The following TSPAN5 variants were observed in gnomAD, a reference collection of about 807,000 sequenced individuals.
TSPAN5 encodes the protein tetraspanin-5.
A neutral mutation model predicts 37.1 loss-of-function variants in TSPAN5; 10 were observed. That is an observed-to-expected ratio of 0.27 (90% confidence interval 0.17 to 0.46). The LOEUF (loss-of-function observed/expected upper bound fraction) is 0.46. Among genes scored for constraint, TSPAN5 ranks in the 20% least tolerant of loss-of-function variants. The probability of loss-of-function intolerance (pLI) is 1.00; values close to 1 mark genes in which losing one functional copy is unlikely to be tolerated. For synonymous variants in TSPAN5, 110 were observed against 118.9 expected (o/e 0.93, Z 0.48); for missense variants, 195 against 326.6 (o/e 0.60, Z 3.11).
intron 1 of TSPAN5, among the ~76,000 whole-genome samples, chr4:98,570,240 A>C (rs1755090284): frequency 6.6e-6 from 1 of 152,218 alleles, no homozygotes; most frequent in South Asian, 2.1e-4. Context: ...AACAAATAGC[A>C]AGAGGACTGA....
chr4:98,566,125 G>T (rs1001278938), intron 1 of TSPAN5, among the ~76,000 whole-genome samples: 1 of 152,130 alleles, frequency 6.6e-6, no homozygotes, highest in African/African-American at 2.4e-5. Context: ...CGGTGAAAAC[G>T]TTATTTCCCT....
chr4:98,565,102 A>G (rs1754971521), intron 1 of TSPAN5, among the ~76,000 whole-genome samples: 1 of 152,168 alleles, frequency 6.6e-6, no homozygotes, highest in Non-Finnish European at 1.5e-5. Flanking sequence ...ACTTCTCATG[A>G]ACCTTGGATC....
At chr4:98,634,147 G>A (rs1337875218) in intron 1 of TSPAN5, among the ~76,000 whole-genome samples, 1 of 152,096 alleles carries the variant, frequency 6.6e-6, no homozygotes, top group Non-Finnish European at 1.5e-5. Context: ...CAACTTCTAT[G>A]TTTATATCAT....
At chr4:98,518,404 G>A (rs1202153596) in intron 1 of TSPAN5, among the ~76,000 whole-genome samples, 2 of 152,130 alleles carry the variant, frequency 1.3e-5, no homozygotes, top group African/African-American at 4.8e-5. Context: ...CTAATGGTCT[G>A]GTGGGAGTGG....
At chr4:98,559,784 C>A (rs759473046) in intron 1 of TSPAN5, among the ~76,000 whole-genome samples, 1 of 152,144 alleles carries the variant, frequency 6.6e-6, no homozygotes, top group African/African-American at 2.4e-5. Flanking sequence ...GCTTAATTTT[C>A]ACAATTGGTA....
chr4:98,536,886 G>A (rs1049352882), intron 1 of TSPAN5, among the ~76,000 whole-genome samples: 2 of 152,192 alleles, frequency 1.3e-5, no homozygotes, highest in African/African-American at 4.8e-5. Flanking sequence ...GACTGCTGCC[G>A]TGCTGGCAGC....
intron 1 of TSPAN5, among the ~76,000 whole-genome samples, chr4:98,563,030 C>A (rs757057023): frequency 1.3e-5 from 2 of 152,150 alleles, no homozygotes; most frequent in Non-Finnish European, 2.9e-5. Context: ...AACATAGCCA[C>A]CACTTACTGC....
intron 2 of TSPAN5, among the ~76,000 whole-genome samples, chr4:98,506,378 C>A (rs770847597): frequency 6.6e-6 from 1 of 152,230 alleles, no homozygotes; most frequent in African/African-American, 2.4e-5. Context: ...ATAATCACTG[C>A]CCTGCCTCAA....
chr4:98,551,346 G>A (rs1331059299), intron 1 of TSPAN5, among the ~76,000 whole-genome samples: 2 of 148,724 alleles, frequency 1.3e-5, no homozygotes, highest in Admixed American at 1.3e-4. Context: ...TTTCTTTTTT[G>A]TTGTATCCTT....
At chr4:98,561,625 C>T (rs940289667) in intron 1 of TSPAN5, among the ~76,000 whole-genome samples, 2 of 152,168 alleles carry the variant, frequency 1.3e-5, no homozygotes, top group African/African-American at 4.8e-5. Flanking sequence ...GGTGGATATT[C>T]TTGGCAGTGG....
At chr4:98,489,876 G>A (rs1160455095) in intron 2 of TSPAN5, among the ~76,000 whole-genome samples, 5 of 152,228 alleles carry the variant, frequency 3.3e-5, no homozygotes, top group East Asian at 1.9e-4. Flanking sequence ...GAAGCGGCCC[G>A]CCACCATCTT....
intron 1 of TSPAN5, among the ~76,000 whole-genome samples, chr4:98,559,870 T>A (rs905895191): frequency 6.6e-6 from 1 of 152,210 alleles, no homozygotes; most frequent in African/African-American, 2.4e-5. Flanking sequence ...ATTTTTTCCT[T>A]AAGTGTAGAA....
intron 7 of TSPAN5, among the ~76,000 whole-genome samples, chr4:98,474,468 C>A (rs1183723634): frequency 6.6e-6 from 1 of 151,874 alleles, no homozygotes; most frequent in South Asian, 2.1e-4. Context: ...CCTCCTCAGC[C>A]CCCCAAGTAG....
At chr4:98,600,154 A>C (rs536850301) in intron 1 of TSPAN5, among the ~76,000 whole-genome samples, 2 of 152,336 alleles carry the variant, frequency 1.3e-5, no homozygotes, top group South Asian at 4.1e-4. Context: ...ATTTAAAAAT[A>C]CTTTATAGCC....
intron 2 of TSPAN5, among the ~76,000 whole-genome samples, chr4:98,503,535 G>C (rs958095331): frequency 2.0e-5 from 3 of 152,186 alleles, no homozygotes; most frequent in African/African-American, 7.2e-5. Context: ...CAGAATCAAT[G>C]AGTGAAAACT....
chr4:98,520,866 G>A (rs1209581863), intron 1 of TSPAN5, among the ~76,000 whole-genome samples: 2 of 145,656 alleles, frequency 1.4e-5, no homozygotes, highest in South Asian at 2.2e-4. Flanking sequence ...CATGGAATCG[G>A]TACTTATCTG....
chr4:98,606,311 C>T (rs915585549), intron 1 of TSPAN5, among the ~76,000 whole-genome samples: 1 of 152,116 alleles, frequency 6.6e-6, no homozygotes, highest in African/African-American at 2.4e-5. Context: ...AAAGGTTTGC[C>T]CTTGGATCTG....
chr4:98,586,620 T>A (rs1001701178), intron 1 of TSPAN5, among the ~76,000 whole-genome samples: 1 of 152,206 alleles, frequency 6.6e-6, no homozygotes, highest in Non-Finnish European at 1.5e-5. Context: ...ACATAATGAT[T>A]TTCCTTTGGC....
chr4:98,652,939 T>G (rs1200522081), intron 1 of TSPAN5, among the ~76,000 whole-genome samples: 1 of 152,174 alleles, frequency 6.6e-6, no homozygotes, highest in Admixed American at 6.5e-5. Flanking sequence ...CAAGTGAGAA[T>G]GCTTCTGCGC....
Sources: allele counts gnomAD v4.1 joint callset (sites outside exome capture counted in the v4.1 genomes callset), GRCh38; gene constraint gnomAD v4.1.1; transcripts MANE v1.5; gene names NCBI Gene and HGNC (gene_info 2026-07-23, HGNC 2026-07-21).